The following CYRIA variants were observed in gnomAD, a reference collection of about 807,000 sequenced individuals.
The protein encoded by CYRIA is CYFIP related Rac1 interactor A.
CYRIA carries 15 observed loss-of-function variants against 43.9 expected under a neutral mutation model. That is an observed-to-expected ratio of 0.34 (90% CI 0.23 to 0.53). The LOEUF (loss-of-function observed/expected upper bound fraction) is 0.53, where lower values mean the gene tolerates loss of function less well. CYRIA is among the 20% of genes least tolerant of loss of function. The pLI is 0.94. For synonymous variants in CYRIA, 117 were observed against 136.0 expected (o/e 0.86, Z 0.97); for missense variants, 236 against 394.2 (o/e 0.60, Z 3.40).
intron 5 of CYRIA, among the ~76,000 whole-genome samples, 172 bp from the exon 6 acceptor site, chr2:16,562,313 C>T (rs1271548866): frequency 6.6e-6 from 1 of 152,120 alleles, no homozygotes; most frequent in African/African-American, 2.4e-5. Flanking sequence ...TCCCACATGG[C>T]TGGGCAGGCA....
At chr2:16,556,297 G>C (rs893013594) in intron 10 of CYRIA, among the ~76,000 whole-genome samples, 4 of 152,126 alleles carry the variant, frequency 2.6e-5, no homozygotes, top group African/African-American at 9.7e-5. Context: ...TGGCAAACGA[G>C]AGGTGTCTGT....
In CYRIA at chr2:16,587,335, A is replaced by G. The variant is rs138660181; in HGVS notation, c.70+715T>C. ...TCATAAACATTTTTAGGAAAAATACATGATGGTTTTCTTCACATCTTTTTT... is the reference window on the plus strand; with the variant it reads ...TCATAAACATTTTTAGGAAAAATACGTGATGGTTTTCTTCACATCTTTTTT... On this transcript the variant is annotated intron_variant, in intron 3 of 11. Transcript: ENST00000381323. Among the ~76,000 whole-genome samples the G allele has an allele frequency of 4.9e-3, 753 of 152,280 alleles. 8 individuals are homozygous for G. Among genetic ancestry groups the G allele is most frequent in the African/African-American group, 0.016 (673 of 41,576 alleles).
intron 2 of CYRIA, among the ~76,000 whole-genome samples, chr2:16,620,641 C>T (rs1202787401): frequency 6.6e-6 from 1 of 152,214 alleles, no homozygotes; most frequent in African/African-American, 2.4e-5. Context: ...AAACTGTGAG[C>T]AGTTCTAAGC....
At chr2:16,637,046 G>C (rs1669518829) in intron 1 of CYRIA, among the ~76,000 whole-genome samples, 1 of 152,112 alleles carries the variant, frequency 6.6e-6, no homozygotes, top group South Asian at 2.1e-4. Flanking sequence ...CCTGGGCTGA[G>C]TTTGGCCCCT....
At chr2:16,601,636 A>G (rs1668209532) in intron 2 of CYRIA, among the ~76,000 whole-genome samples, 1 of 151,018 alleles carries the variant, frequency 6.6e-6, no homozygotes, top group African/African-American at 2.5e-5. Flanking sequence ...CTTCTATGAG[A>G]GTTGGCTTTA....
chr2:16,662,630 T>A (rs1440467816), intron 1 of CYRIA, among the ~76,000 whole-genome samples: 4 of 152,184 alleles, frequency 2.6e-5, no homozygotes, highest in Non-Finnish European at 5.9e-5. Flanking sequence ...GAGTCAAAAC[T>A]CAGTAAGAAA....
chr2:16,589,015 A>G (rs758796497), intron 2 of CYRIA, among the ~76,000 whole-genome samples: 1 of 152,118 alleles, frequency 6.6e-6, no homozygotes, highest in African/African-American at 2.4e-5. Flanking sequence ...AAAAATTTCT[A>G]CTGCTCTCAG....
At chr2:16,612,850 C>T (rs1004354776) in intron 2 of CYRIA, among the ~76,000 whole-genome samples, 7 of 152,204 alleles carry the variant, frequency 4.6e-5, no homozygotes, top group African/African-American at 9.7e-5. Context: ...CCCATAATCC[C>T]GACATGTCGT....
chr2:16,658,042 C>G (rs1487203764), intron 1 of CYRIA, among the ~76,000 whole-genome samples: 1 of 151,896 alleles, frequency 6.6e-6, no homozygotes. Context: ...CTGCAAGACT[C>G]CAGAAAAAAA....
chr2:16,661,557 T>A lies in CYRIA; in HGVS notation c.-167+4223A>T, dbSNP rs147994288. Among the ~76,000 whole-genome samples the A allele has an allele frequency of 7.9e-5, 12 of 152,324 alleles. No individual in the cohort carries two copies. The East Asian group carries it at 2.1e-3, about 27-fold the overall frequency. ...TCAAACTCCTCTTCTATTCATCACT[T>A]ATAGAAATAACATCCCAGCCAACTG... On this transcript the variant is annotated intron_variant, in intron 1 of 11. Transcript: ENST00000381323.
chr2:16,617,233 T>C (rs1202074460), intron 2 of CYRIA, among the ~76,000 whole-genome samples: 4 of 152,132 alleles, frequency 2.6e-5, no homozygotes, highest in African/African-American at 7.2e-5. Context: ...GATGACCAAG[T>C]GGGGTCCTTA....
At chr2:16,592,354 A>G (rs11893415) in intron 2 of CYRIA, among the ~76,000 whole-genome samples, 27,789 of 152,126 alleles carry the variant, frequency 0.18, 3,530 homozygotes, top group African/African-American at 0.35. Context: ...GTAAGCACTC[A>G]TGAAGGGATG....
intron 2 of CYRIA, among the ~76,000 whole-genome samples, chr2:16,592,336 C>T (rs1041670505): frequency 8.5e-5 from 13 of 152,080 alleles, no homozygotes; most frequent in Non-Finnish European, 1.6e-4. Context: ...AGAGGATATA[C>T]CAGTTGTGTA....
At chr2:16,619,274 TACACATATATACATAC>T (rs1337793253) in intron 2 of CYRIA, among the ~76,000 whole-genome samples, 1 of 152,144 alleles carries the variant, frequency 6.6e-6, no homozygotes, top group Non-Finnish European at 1.5e-5. Flanking sequence ...CTACATAATG[TACACATATATACATAC>T]ACACATATAT....
At chr2:16,606,138 C>T (rs1170977942) in intron 2 of CYRIA, among the ~76,000 whole-genome samples, 3 of 152,140 alleles carry the variant, frequency 2.0e-5, no homozygotes, top group African/African-American at 7.2e-5. Flanking sequence ...GAATGTCCCA[C>T]AAGCATAGCC....
At chr2:16,587,862 G>T (rs1057102729) in intron 3 of CYRIA, among the ~76,000 whole-genome samples, 188 bp downstream of exon 3, 1 of 152,104 alleles carries the variant, frequency 6.6e-6, no homozygotes, top group Non-Finnish European at 1.5e-5. Context: ...GGAACCGTGA[G>T]TCAAACCTCT....
intron 1 of CYRIA, among the ~76,000 whole-genome samples, chr2:16,627,834 C>T (rs1017553959): frequency 1.3e-5 from 2 of 152,150 alleles, no homozygotes; most frequent in Non-Finnish European, 2.9e-5. Flanking sequence ...CAGGCAACAC[C>T]AGTAAATGAC....
intron 1 of CYRIA, among the ~76,000 whole-genome samples, chr2:16,649,675 CAGTACAGGACA>C (rs1318816630): frequency 1.3e-5 from 2 of 151,370 alleles, no homozygotes; most frequent in African/African-American, 4.9e-5. Context: ...GGAACAGTTA[CAGTACAGGACA>C]CAGTTGTACA....
intron 3 of CYRIA, among the ~76,000 whole-genome samples, chr2:16,582,807 T>C (rs1168982531): frequency 1.3e-5 from 2 of 152,216 alleles, no homozygotes; most frequent in African/African-American, 4.8e-5. Flanking sequence ...TTATAAATAA[T>C]GCTGCTATGA....
Sources: gnomAD v4.1 joint callset for allele counts (sites outside exome capture counted in the v4.1 genomes callset) on GRCh38, gnomAD v4.1.1 for gene constraint, MANE v1.5 for transcripts, NCBI Gene and HGNC (gene_info 2026-07-23, HGNC 2026-07-21) for gene names.